The following KCTD9 variants were observed in gnomAD, a reference collection of about 807,000 sequenced individuals.
The protein encoded by KCTD9 is potassium channel tetramerization domain containing 9.
KCTD9 carries 17 observed loss-of-function variants against 53.3 expected under a neutral mutation model. That is an observed-to-expected ratio of 0.32 (90% CI 0.22 to 0.48). The LOEUF (loss-of-function observed/expected upper bound fraction) is 0.48. KCTD9 is among the 20% of genes least tolerant of loss of function. The pLI is 0.99. For synonymous variants in KCTD9, 128 were observed against 162.7 expected, an observed-to-expected ratio of 0.79 and a Z score of 1.62; for missense variants, 179 against 465.5, an observed-to-expected ratio of 0.38 and a Z score of 5.66.
chr8:25,437,220 T>C (rs1802033120), intron 6 of KCTD9, among the ~76,000 whole-genome samples: 2 of 152,182 alleles, frequency 1.3e-5, no homozygotes, highest in African/African-American at 4.8e-5. Flanking sequence ...TCCGTTCGGA[T>C]ATATATCCCT....
rs190843849 is a variant in KCTD9, at chr8:25,440,567, A to G, written c.311+10T>C. On this transcript the variant is annotated intron_variant, in intron 4 of 11. Transcript: ENST00000221200. The stretch of plus-strand genomic sequence containing the variant: ...CATTCTCTTTCTAACACACATACAC[A>G]CACACCTACCGTGTAGTTGTAAAGT... The G allele has an allele frequency of 4.4e-5, 68 of 1,548,282 alleles. No homozygotes were observed. In the East Asian group the frequency reaches 1.4e-3, roughly 32 times the overall value.
Position 25,428,486 on chromosome 8 carries a change from T to C in KCTD9, c.*1371A>G, listed in dbSNP as rs1324082323. 2 of 152,520 alleles carry C rather than the reference T, an allele frequency of 1.3e-5. No individual in the cohort carries two copies. The highest frequency in any genetic ancestry group is 3.9e-4 in the East Asian group (2 of 5,190). 9.4% of individuals were successfully genotyped at this position (152,520 alleles called of 1,614,324 possible). A position where few individuals can be genotyped will look rare whatever the true frequency, so the allele number is the denominator to read the frequency against. On this transcript the variant is annotated 3_prime_UTR_variant, in exon 12 of 12. Transcript: ENST00000221200. ...GACACAGGTGGTTTTCAATGATTCCTTGCCTCATGTTGATGAGTCTGTAGA... is the reference window on the plus strand; with the variant it reads ...GACACAGGTGGTTTTCAATGATTCCCTGCCTCATGTTGATGAGTCTGTAGA...
intron 1 of KCTD9, among the ~76,000 whole-genome samples, chr8:25,451,804 ATTT>A (rs561206781): frequency 9.9e-4 from 151 of 152,220 alleles, no homozygotes; most frequent in Non-Finnish European, 1.4e-3. Context: ...CATGTAAAAT[ATTT>A]TTTTCTTTTA....
chr8:25,430,029 A>G, intron 11 of KCTD9, 56 bp from the exon 12 acceptor site: 1 of 951,588 alleles, frequency 1.1e-6, no homozygotes, highest in Non-Finnish European at 1.7e-6. Context: ...GGCCTTATCT[A>G]TTTCTGCTCA....
In KCTD9 at chr8:25,439,274, C is replaced by T; in HGVS notation, c.499+5G>A. On this transcript the variant is annotated splice_donor_5th_base_variant and intron_variant, in intron 6 of 11. Coordinates refer to ENST00000221200, the MANE Select transcript of KCTD9 (RefSeq NM_017634.4). ...TAATTATATTGAAAGTCTAAATAAA[C>T]TCACCCAATAAATTAATGCCATCAT... is the stretch of plus-strand genomic sequence containing the variant. The T allele has an allele frequency of 6.3e-7, 1 of 1,580,344 alleles. No individual in the cohort carries two copies. The highest frequency in any genetic ancestry group is 1.9e-5 in the Admixed American group (1 of 53,430).
chr8:25,435,277 G>T, intron 9 of KCTD9, 86 bp downstream of exon 9: 1 of 844,632 alleles, frequency 1.2e-6, no homozygotes, highest in Non-Finnish European at 1.7e-6. Flanking sequence ...GTAAAAGATA[G>T]TTATAATTCC....
chr8:25,457,352 A>C, intron 1 of KCTD9: 1 of 985,118 alleles, frequency 1.0e-6, no homozygotes, highest in African/African-American at 1.7e-5. Context: ...GCAACGCAAT[A>C]AATGTCTGCC....
intron 6 of KCTD9, among the ~76,000 whole-genome samples, chr8:25,438,417 A>G (rs926136017): frequency 6.6e-6 from 1 of 152,144 alleles, no homozygotes; most frequent in African/African-American, 2.4e-5. Flanking sequence ...GTAAGCCAGC[A>G]GTCCTCAGGC....
rs3967548 is a variant in KCTD9, at chr8:25,429,339, G to A, written c.*518C>T. Reference sequence around the variant, plus strand: ...TCTGATCTCACCATATTCATACGGTGTGACAGGTATTTAAAGAGGGGAGGC... The same window carrying A: ...TCTGATCTCACCATATTCATACGGTATGACAGGTATTTAAAGAGGGGAGGC... On this transcript the variant is annotated 3_prime_UTR_variant, in exon 12 of 12. Coordinates refer to ENST00000221200, the MANE Select transcript of KCTD9 (RefSeq NM_017634.4). 4 of 154,224 alleles carry A rather than the reference G, an allele frequency of 2.6e-5. No individual in the cohort carries two copies. Among genetic ancestry groups the A allele is most frequent in the Non-Finnish European group, 4.3e-5 (3 of 69,196 alleles). The allele number at this position is 154,224 out of a possible 1,614,324, so 9.6% of individuals were successfully genotyped here.
At chr8:25,445,849 T>C (rs1402138481) in intron 2 of KCTD9, among the ~76,000 whole-genome samples, 1 of 151,564 alleles carries the variant, frequency 6.6e-6, no homozygotes, top group Non-Finnish European at 1.5e-5. Flanking sequence ...AAACTGCACG[T>C]CTTACTAGAT....
In KCTD9 at chr8:25,439,508, A is replaced by G. The variant is rs143836319; in HGVS notation, c.370+98T>C. 2,018 of 1,559,040 alleles carry G rather than the reference A, an allele frequency of 1.3e-3. 3 individuals carry two copies. The highest frequency in any genetic ancestry group is 1.5e-3 in the Non-Finnish European group (1,747 of 1,145,910). ...TAAATATAAGTTTTTACTCTTAAAA[A>G]CTGACATAATTAGTAAGTACAGAAG... On this transcript the variant is annotated intron_variant, in intron 5 of 11. Coordinates refer to ENST00000221200, the MANE Select transcript of KCTD9 (RefSeq NM_017634.4).
At chr8:25,438,012 C>T (rs983481512) in intron 6 of KCTD9, among the ~76,000 whole-genome samples, 1 of 152,030 alleles carries the variant, frequency 6.6e-6, no homozygotes, top group African/African-American at 2.4e-5. Context: ...GGAAACTGTA[C>T]TAACTGAAAA....
At chr8:25,457,065 G>A (rs1455808099) in intron 1 of KCTD9, among the ~76,000 whole-genome samples, 3 of 152,074 alleles carry the variant, frequency 2.0e-5, no homozygotes, top group Non-Finnish European at 4.4e-5. Context: ...GAATTTATAC[G>A]AATTCTGATT....
At chr8:25,433,465 T>C in intron 9 of KCTD9, 30 bp from the exon 10 acceptor site, 1 of 1,346,088 alleles carries the variant, frequency 7.4e-7, no homozygotes, top group Admixed American at 2.2e-5. Flanking sequence ...GTCCTGGTTG[T>C]AAGGTTCATA....
At chr8:25,447,734 G>A (rs1052207423) in intron 1 of KCTD9, among the ~76,000 whole-genome samples, 6 of 152,226 alleles carry the variant, frequency 3.9e-5, no homozygotes, top group African/African-American at 1.2e-4. Flanking sequence ...GCGGAACCAA[G>A]TGCATTATAA....
At chr8:25,433,019 A>T (rs1269915484) in intron 10 of KCTD9, among the ~76,000 whole-genome samples, 1 of 152,216 alleles carries the variant, frequency 6.6e-6, no homozygotes, top group African/African-American at 2.4e-5. Flanking sequence ...ATGCAAATGA[A>T]ATTTTTCCTT....
chr8:25,430,300 C>T (rs1167921907), intron 11 of KCTD9, among the ~76,000 whole-genome samples: 1 of 152,160 alleles, frequency 6.6e-6, no homozygotes, highest in East Asian at 1.9e-4. Flanking sequence ...GGTCCATGGC[C>T]TGTTAAGAAT....
intron 9 of KCTD9, among the ~76,000 whole-genome samples, chr8:25,434,439 ATCT>A (rs1183340141): frequency 8.1e-6 from 1 of 123,384 alleles, no homozygotes; most frequent in East Asian, 2.2e-4. Flanking sequence ...TTTGACAAAC[ATCT>A]TTTTTTTTTT....
At chr8:25,458,029 G>A (rs565346790) in intron 1 of KCTD9, among the ~76,000 whole-genome samples, 170 bp downstream of exon 1, 2 of 151,874 alleles carry the variant, frequency 1.3e-5, no homozygotes, top group South Asian at 2.1e-4. Flanking sequence ...GGGTCCTGAG[G>A]GTCGGGAGGA....
Sources: gnomAD v4.1 joint callset for allele counts (sites outside exome capture counted in the v4.1 genomes callset) on GRCh38, gnomAD v4.1.1 for gene constraint, MANE v1.5 for transcripts, NCBI Gene and HGNC (gene_info 2026-07-23, HGNC 2026-07-21) for gene names.